The following HMCN1 variants were observed in gnomAD, a reference collection of about 807,000 sequenced individuals.
The protein encoded by HMCN1 is hemicentin-1.
In HMCN1, 321 loss-of-function variants were observed where a neutral mutation model predicts 625.9. The ratio of observed to expected loss-of-function variants is 0.51; its 90% CI spans 0.47 to 0.56. The LOEUF (loss-of-function observed/expected upper bound fraction) is 0.56. Ranked by LOEUF, HMCN1 falls within the 20% of genes least tolerant of loss-of-function variation. The pLI, the probability that HMCN1 is intolerant of heterozygous loss-of-function variation, is 0.00. For synonymous variants in HMCN1, 2,425 were observed against 2,417.6 expected (o/e 1.00, Z -0.09); for missense variants, 6,588 against 6,887.3 (o/e 0.96, Z 1.54).
chr1:186,110,832 G>A (rs1660839194), intron 71 of HMCN1, among the ~76,000 whole-genome samples: 1 of 151,968 alleles, frequency 6.6e-6, no homozygotes, highest in Admixed American at 6.6e-5. Flanking sequence ...CAAGGTGGGG[G>A]AAGGGGAGGA....
chr1:186,060,350 G>C (rs902254387), intron 46 of HMCN1, among the ~76,000 whole-genome samples: 1 of 152,008 alleles, frequency 6.6e-6, no homozygotes, highest in African/African-American at 2.4e-5. Context: ...ATACCAGCTA[G>C]AAAATTATTA....
In HMCN1 at chr1:186,088,592, G is replaced by C. The variant is rs774107094; in HGVS notation, c.9578-14G>C. ...GTTTTTTTATGTTTTATTGTGCTTT[G>C]TTTCTACCTCTAGAAAATTCTGACT... On this transcript the variant is annotated splice_polypyrimidine_tract_variant and intron_variant, in intron 62 of 106. Coordinates refer to ENST00000271588, the MANE Select transcript of HMCN1 (RefSeq NM_031935.3). The C allele has an allele frequency of 6.2e-6, 10 of 1,609,846 alleles. No homozygotes were observed. The highest frequency in any genetic ancestry group is 8.5e-6 in the Non-Finnish European group (10 of 1,177,756).
intron 4 of HMCN1, among the ~76,000 whole-genome samples, chr1:185,903,943 C>A (rs1665953172): frequency 6.6e-6 from 1 of 151,856 alleles, no homozygotes; most frequent in Admixed American, 6.6e-5. Context: ...AGCATCAGGA[C>A]AAGGGGAGAC....
chr1:185,915,259 T>C (rs531222859), intron 6 of HMCN1, among the ~76,000 whole-genome samples: 1 of 152,206 alleles, frequency 6.6e-6, no homozygotes, highest in South Asian at 2.1e-4. Context: ...TGTTTTATGC[T>C]CCTAAATTTC....
chr1:186,132,175 T>C (rs529029146), intron 85 of HMCN1, among the ~76,000 whole-genome samples, 153 bp from the exon 86 acceptor site: 7 of 152,240 alleles, frequency 4.6e-5, no homozygotes, highest in African/African-American at 1.4e-4. Context: ...CCTTTAAATC[T>C]ATTTAAGAGG....
rs1375928831 is a variant in HMCN1 at position 186,128,124 on chromosome 1, G to A, written c.12737G>A (p.Gly4246Asp). The A allele has an allele frequency of 5.6e-6, 9 of 1,613,556 alleles. No individual in the cohort carries two copies. The highest frequency in any genetic ancestry group is 6.8e-6 in the Non-Finnish European group (8 of 1,179,678). The change falls in exon 83 of 107, where the codon GGT (glycine) becomes GAT (aspartate). Residue 4246 changes from glycine to aspartate, a missense_variant. Coordinates refer to ENST00000271588, the MANE Select transcript of HMCN1 (RefSeq NM_031935.3). ...FYTCVANNAA[G>D]EDTHTVSLTV... ...ACCTGTGTTGCTAACAATGCTGCAG[G>A]TGAAGATACACACACTGTCAGCCTG...
chr1:185,887,020 C>T (rs1305310006), intron 4 of HMCN1, among the ~76,000 whole-genome samples: 1 of 152,110 alleles, frequency 6.6e-6, no homozygotes, highest in African/African-American at 2.4e-5. Flanking sequence ...TACTTTGCTG[C>T]CTCGGCACTT....
chr1:186,054,704 A>G (rs1249836646), intron 44 of HMCN1, among the ~76,000 whole-genome samples: 1 of 152,058 alleles, frequency 6.6e-6, no homozygotes, highest in African/African-American at 2.4e-5. Context: ...AGCATTGGTC[A>G]CTGGAGCTGG....
intron 97 of HMCN1, among the ~76,000 whole-genome samples, chr1:186,164,240 C>CTTTTTTTTTTTT (rs57317105): frequency 2.3e-5 from 3 of 131,558 alleles, no homozygotes; most frequent in African/African-American, 9.2e-5. Context: ...TAACTTAAAT[C>CTTTTTTTTTTTT]TTTTTTTTTT....
intron 1 of HMCN1, among the ~76,000 whole-genome samples, chr1:185,807,089 T>C (rs1278727054): frequency 1.3e-5 from 2 of 152,202 alleles, no homozygotes; most frequent in Non-Finnish European, 2.9e-5. Flanking sequence ...TCCCTGTGTG[T>C]TGAAGATTAT....
intron 4 of HMCN1, among the ~76,000 whole-genome samples, chr1:185,903,862 G>T (rs1665949956): frequency 1.3e-5 from 2 of 151,796 alleles, no homozygotes; most frequent in Non-Finnish European, 2.9e-5. Flanking sequence ...GAACACTTGT[G>T]TTGGCACAAA....
chr1:186,114,174 C>A lies in HMCN1; in HGVS notation c.11276+51C>A, dbSNP rs141826941. ...TGCTATAAGACCTGAAATACAAATT[C>A]TTAATTTTTTTTCCTAGTGCACTAT... On this transcript the variant is annotated intron_variant, in intron 73 of 106. Transcript: ENST00000271588. The A allele has an allele frequency of 3.7e-6, 6 of 1,603,748 alleles. No homozygotes were observed. The South Asian group carries it at 6.6e-5, about 18-fold the overall frequency.
chr1:185,961,361 T>C (rs1054849439), intron 11 of HMCN1, among the ~76,000 whole-genome samples: 7 of 152,238 alleles, frequency 4.6e-5, no homozygotes, highest in African/African-American at 1.7e-4. Flanking sequence ...ATTTTATTTA[T>C]AGTAAAAACC....
intron 68 of HMCN1, among the ~76,000 whole-genome samples, chr1:186,100,606 A>G (rs1660340796): frequency 6.6e-6 from 1 of 152,196 alleles, no homozygotes; most frequent in Admixed American, 6.5e-5. Context: ...AAATAGAACT[A>G]CAGTTTGAGA....
At chr1:186,005,854 G>A (rs1007660955) in intron 29 of HMCN1, among the ~76,000 whole-genome samples, 6 of 152,112 alleles carry the variant, frequency 3.9e-5, no homozygotes, top group Non-Finnish European at 7.3e-5. Context: ...CTTAAAATGT[G>A]GCCAGGCACC....
In HMCN1 at chr1:186,183,467, A is replaced by G. The variant is rs146182106; in HGVS notation, c.16414+1180A>G. On this transcript the variant is annotated intron_variant, in intron 105 of 106. Transcript: ENST00000271588. ...TGAGTAATAACTTTCGCTTTGGGCC[A>G]TCAGTCACCAAATATTTCTTAAGAA... Among the ~76,000 whole-genome samples the G allele has an allele frequency of 3.9e-3, 589 of 152,350 alleles. 7 individuals carry two copies. Among genetic ancestry groups the G allele is most frequent in the African/African-American group, 0.014 (568 of 41,592 alleles).
At chr1:185,791,016 C>T (rs1056933499) in intron 1 of HMCN1, among the ~76,000 whole-genome samples, 8 of 152,052 alleles carry the variant, frequency 5.3e-5, no homozygotes, top group Non-Finnish European at 8.8e-5. Flanking sequence ...TCTTCACTTC[C>T]AGGCCTCTAA....
Position 186,115,040 on chromosome 1 carries a change from G to T in HMCN1, c.11404+94G>T, listed in dbSNP as rs1242942282. On this transcript the variant is annotated intron_variant, in intron 74 of 106. Transcript: ENST00000271588. The stretch of plus-strand genomic sequence containing the variant: ...GGTCATAAAGATCTTGACATTGAAG[G>T]CTAGTTAAGCAATTTACATTATGGT... 5 of 1,558,042 alleles carry T rather than the reference G, an allele frequency of 3.2e-6. No homozygotes were observed. In the East Asian group the frequency reaches 9.0e-5, roughly 28 times the overall value.
chr1:185,970,170 A>T (rs1650709181), intron 14 of HMCN1, among the ~76,000 whole-genome samples, 165 bp from the exon 15 acceptor site: 1 of 152,216 alleles, frequency 6.6e-6, no homozygotes, highest in African/African-American at 2.4e-5. Context: ...ACAGTTTATT[A>T]CAGGTCTGAA....
Sources: gnomAD v4.1 joint callset for allele counts (sites outside exome capture counted in the v4.1 genomes callset) on GRCh38, gnomAD v4.1.1 for gene constraint, MANE v1.5 for transcripts, NCBI Gene and HGNC (gene_info 2026-07-23, HGNC 2026-07-21) for gene names.